The following SARM1 variants were observed in gnomAD, a reference collection of about 807,000 sequenced individuals.
SARM1 encodes the protein NAD(+) hydrolase SARM1.
A neutral mutation model predicts 65.1 loss-of-function variants in SARM1; 60 were observed. The ratio of observed to expected loss-of-function variants is 0.92; its 90% confidence interval spans 0.75 to 1.14. The LOEUF (loss-of-function observed/expected upper bound fraction) is 1.14, where lower values mean the gene tolerates loss of function less well. Ranked by LOEUF, SARM1 falls within the 50% of genes most tolerant of loss-of-function variation. The pLI is 0.00. For synonymous variants in SARM1, 417 were observed against 465.4 expected, an observed-to-expected ratio of 0.90 and a Z score of 1.34; for missense variants, 913 against 1,015.7, an observed-to-expected ratio of 0.90 and a Z score of 1.37.
At position 28,386,244 on chromosome 17, in the gene SARM1, G is replaced by A. The variant is rs373269005; in HGVS notation, c.1630+969G>A. ...CACCTGAGCCCAGGAAGTTAAGGCCGCAGTGAACTGTGATCAGGTCACTAC... is the reference window on the plus strand; with the variant it reads ...CACCTGAGCCCAGGAAGTTAAGGCCACAGTGAACTGTGATCAGGTCACTAC... On this transcript the variant is annotated intron_variant, in intron 5 of 8. Transcript: ENST00000585482. 9.2e-4 allele frequency among the ~76,000 whole-genome samples: 140 copies of A among 152,286 alleles called. 2 individuals are homozygous for A. Among genetic ancestry groups the A allele is most frequent in the African/African-American group, 3.1e-3 (129 of 41,554 alleles).
intron 7 of SARM1, 23 bp downstream of exon 7, chr17:28,388,562 G>T: frequency 6.2e-7 from 1 of 1,605,884 alleles, no homozygotes. Context: ...CTATGCTTCT[G>T]CGGTCCCAGC....
Position 28,403,966 on chromosome 17 carries a change from T to C in SARM1, c.*7680T>C, listed in dbSNP as rs2068225235. ...GGGATGAGGCTGCAGTGAGCCATGA[T>C]CGTGCCACTGCACTCTAGCCTGGGT... On this transcript the variant is annotated 3_prime_UTR_variant, in exon 9 of 9. Transcript: ENST00000585482. The C allele has an allele frequency of 6.5e-6, 1 of 153,588 alleles. No homozygotes were observed. Among genetic ancestry groups the C allele is most frequent in the African/African-American group, 2.4e-5 (1 of 41,448 alleles). The allele number at this position is 153,588 out of a possible 1,614,324, so 9.5% of individuals were successfully genotyped here. A position where few individuals can be genotyped will look rare whatever the true frequency, so the allele number is the denominator to read the frequency against.
chr17:28,376,354 T>A (rs1361143573), intron 1 of SARM1, among the ~76,000 whole-genome samples: 1 of 134,022 alleles, frequency 7.5e-6, no homozygotes, highest in East Asian at 2.4e-4. Flanking sequence ...AGGTCAGGAG[T>A]TCAAGACCGC....
Position 28,385,782 on chromosome 17 carries a change from TA to T in SARM1, c.1630+508del, listed in dbSNP as rs2068047859. Among the ~76,000 whole-genome samples, 3 of 152,306 alleles carry T rather than the reference TA, an allele frequency of 2.0e-5. No individual in the cohort carries two copies. In the South Asian group the frequency reaches 6.2e-4, roughly 32 times the overall value. On this transcript the variant is annotated intron_variant, in intron 5 of 8. Transcript: ENST00000585482. The surrounding 1 kb of genome is among the most constrained non-coding windows in gnomAD (Gnocchi z 4.5). ...ACAAAATTTGGGTCTAGAGGTGGTT[TA>T]GAGTGAATTCTAGGCCTCTAGCCAC...
Position 28,381,805 on chromosome 17 carries a change from TG to T in SARM1, c.1074del (p.Gln359LysfsTer16). The part of the protein sequence containing the change: ...YLCAEAAIKS[L>X]QGKTKVFSDI... ...TGCGCCGAGGCTGCCATCAAGAGCC[TG>T]CAAGGCAAGACCAAGGTGGGTGCAG... On this transcript the variant is annotated frameshift_variant, in exon 2 of 9. Coordinates refer to ENST00000585482, the MANE Select transcript of SARM1 (RefSeq NM_015077.4). LOFTEE classifies it high-confidence loss of function. The T allele has an allele frequency of 6.9e-7, 1 of 1,450,154 alleles. No homozygotes were observed. The highest frequency in any genetic ancestry group is 9.1e-7 in the Non-Finnish European group (1 of 1,100,148). The allele number at this position is 1,450,154 out of a possible 1,614,324, so 89.8% of individuals were successfully genotyped here. A position where few individuals can be genotyped will look rare whatever the true frequency, so the allele number is the denominator to read the frequency against.
rs1050361185 is a variant in SARM1, at chr17:28,372,653, A to G, written c.470+151A>G. 2.4e-4 allele frequency: 52 copies of G among 215,718 alleles called. No homozygotes were observed. Among genetic ancestry groups the G allele is most frequent in the African/African-American group, 1.2e-3 (49 of 42,566 alleles). 13.4% of individuals were successfully genotyped at this position (215,718 alleles called of 1,614,324 possible). On this transcript the variant is annotated intron_variant, in intron 1 of 8. Coordinates refer to ENST00000585482, the MANE Select transcript of SARM1 (RefSeq NM_015077.4). This position sits in a 1 kb window ranked among gnomAD's most constrained non-coding sequence, Gnocchi z 5.2. The stretch of plus-strand genomic sequence containing the variant: ...TGTTAGGGGTCAGCCTGTCTGTTTC[A>G]CAGATAAGGAAACTGAGCCTTGGGA...
rs886052748 is a variant in SARM1, at chr17:28,398,436, T to C, written c.*2150T>C. On this transcript the variant is annotated 3_prime_UTR_variant, in exon 9 of 9. Transcript: ENST00000585482. ...TGTGTTCAGAGGTGACTGCCACCCA[T>C]ACTAGGACAAACACAGCTCAGATCA... 1 of 152,254 alleles carries C rather than the reference T, an allele frequency of 6.6e-6. No homozygotes were observed. Among genetic ancestry groups the C allele is most frequent in the Non-Finnish European group, 1.5e-5 (1 of 68,120 alleles). The allele number at this position is 152,254 out of a possible 1,614,324, so 9.4% of individuals were successfully genotyped here.
At chr17:28,396,133 C>G (rs1555587881) in intron 8 of SARM1, 24 bp from the exon 9 acceptor site, 1 of 1,613,936 alleles carries the variant, frequency 6.2e-7, no homozygotes, top group Non-Finnish European at 8.5e-7. Context: ...GCTGTCTGAA[C>G]CACATTGGCT....
intron 1 of SARM1, among the ~76,000 whole-genome samples, chr17:28,376,479 A>T (rs188816931): frequency 6.6e-6 from 1 of 151,452 alleles, no homozygotes; most frequent in African/African-American, 2.4e-5. Flanking sequence ...AGGCTGAGAC[A>T]TGAGAATCAG....
At chr17:28,388,106 G>A (rs2068061402) in intron 5 of SARM1, 68 bp from the exon 6 acceptor site, 3 of 1,207,434 alleles carry the variant, frequency 2.5e-6, no homozygotes, top group Non-Finnish European at 3.6e-6. Context: ...GTCCACAAGG[G>A]ATGATATACC....
chr17:28,377,055 G>T (rs1466108373), intron 1 of SARM1, among the ~76,000 whole-genome samples: 2 of 152,212 alleles, frequency 1.3e-5, no homozygotes, highest in Non-Finnish European at 2.9e-5. Flanking sequence ...CTCCCAAAGT[G>T]TTGGGATTAC....
chr17:28,387,514 G>GA lies in SARM1; in HGVS notation c.1631-660_1631-659insA, dbSNP rs1555586197. On this transcript the variant is annotated intron_variant, in intron 5 of 8. Transcript: ENST00000585482. ...GCTGGGATTACAGGTGTGGGCCACT[G>GA]CCCTGGCCTAGACTGGGCAATTCTA... Among the ~76,000 whole-genome samples the GA allele has an allele frequency of 1.8e-3, 279 of 152,328 alleles. 2 individuals are homozygous for GA. The highest frequency in any genetic ancestry group is 0.01 in the Middle Eastern group (3 of 294).
chr17:28,384,922 C>T lies in SARM1; in HGVS notation c.1386C>T (p.Thr462=), dbSNP rs1233915366. ...QTDLGMKSGI[T]RKRFFRELTE... is the part of the protein sequence containing the mutation. ...ACCTGGGCATGAAATCGGGCATCACCCGCAAGAGGTACGGAGCCTCCTGCC... is the reference window on the plus strand; with the variant it reads ...ACCTGGGCATGAAATCGGGCATCACTCGCAAGAGGTACGGAGCCTCCTGCC... Residue 462 remains threonine, a synonymous_variant, in exon 4 of 9, where the codon ACC becomes ACT. Transcript: ENST00000585482. The surrounding 1 kb of genome is among the most constrained non-coding windows in gnomAD (Gnocchi z 4.4). 3 of 1,567,556 alleles carry T rather than the reference C, an allele frequency of 1.9e-6. No homozygotes were observed. Among genetic ancestry groups the T allele is most frequent in the African/African-American group, 1.4e-5 (1 of 73,696 alleles).
rs895263586 is a variant in SARM1, at chr17:28,400,177, G to C, written c.*3891G>C. On this transcript the variant is annotated 3_prime_UTR_variant, in exon 9 of 9. Transcript: ENST00000585482. ...CCCACAGGATCGGGATTACAGGCAA[G>C]AGCCTCCACGCCCGGCCATGAAATA... The C allele has an allele frequency of 4.9e-5, 12 of 243,556 alleles. No homozygotes were observed. The Admixed American group carries it at 6.1e-4, about 12-fold the overall frequency. 15.1% of individuals were successfully genotyped at this position (243,556 alleles called of 1,614,324 possible).
Position 28,372,152 on chromosome 17 carries a change from C to T in SARM1, c.120C>T (p.Gly40=). The change falls in exon 1 of 9, where the codon GGC becomes GGT. Residue 40 remains glycine, a synonymous_variant. Coordinates refer to ENST00000585482, the MANE Select transcript of SARM1 (RefSeq NM_015077.4). The surrounding 1 kb of genome is among the most constrained non-coding windows in gnomAD (Gnocchi z 5.2). ...GGCCAGATGGGGGCGGTGGCACGGG[C>T]CCATGGTGGGCTGCGGGTGGCCGCG... ...VPGPDGGGGT[G]PWWAAGGRGP... 1 of 1,395,268 alleles carries T rather than the reference C, an allele frequency of 7.2e-7. No individual in the cohort carries two copies. Among genetic ancestry groups the T allele is most frequent in the Non-Finnish European group, 9.2e-7 (1 of 1,084,994 alleles). 86.4% of individuals were successfully genotyped at this position (1,395,268 alleles called of 1,614,324 possible). A position where few individuals can be genotyped will look rare whatever the true frequency, so the allele number is the denominator to read the frequency against.
At position 28,400,271 on chromosome 17, in the gene SARM1, G is replaced by T; in HGVS notation, c.*3985G>T. 1 of 303,086 alleles carries T rather than the reference G, an allele frequency of 3.3e-6. No individual in the cohort carries two copies. Among genetic ancestry groups the T allele is most frequent in the Non-Finnish European group, 6.3e-6 (1 of 159,492 alleles). 18.8% of individuals were successfully genotyped at this position (303,086 alleles called of 1,614,324 possible). A position where few individuals can be genotyped will look rare whatever the true frequency, so the allele number is the denominator to read the frequency against. On this transcript the variant is annotated 3_prime_UTR_variant, in exon 9 of 9. Coordinates refer to ENST00000585482, the MANE Select transcript of SARM1 (RefSeq NM_015077.4). ...GCCTGTGGCCCAGCCACAACTAGCT[G>T]ACAAAGCTTCCTGGCCTTCCCTTTA... is the stretch of plus-strand genomic sequence containing the variant.
chr17:28,395,686 C>A, intron 7 of SARM1: 2 of 539,090 alleles, frequency 3.7e-6, no homozygotes, highest in Non-Finnish European at 6.6e-6. Context: ...CAAGAGATTC[C>A]AAGGGTTTTA....
chr17:28,381,011 G>A (rs1156280529), intron 1 of SARM1, among the ~76,000 whole-genome samples, 192 bp from the exon 2 acceptor site: 1 of 152,110 alleles, frequency 6.6e-6, no homozygotes, highest in Non-Finnish European at 1.5e-5. Context: ...GGCCAGAATA[G>A]AGCACCCTTA....
chr17:28,385,246 A>C lies in SARM1; in HGVS notation c.1601A>C (p.His534Pro). ...GACTGCGGCATCCACCTGGGCGTGC[A>C]CCGCGCCCGCATCCTCACGGCGGCC... ...LEDCGIHLGVHRARILTAARE... is the reference protein window; with the variant it reads ...LEDCGIHLGVPRARILTAARE... The change falls in exon 5 of 9, where the codon CAC becomes CCC. Residue 534 changes from histidine (H) to proline (P), a missense_variant. This residue lies in a region of SARM1 where 862 missense variants were observed against 952.1 expected (regional missense o/e 0.91). Coordinates refer to ENST00000585482, the MANE Select transcript of SARM1 (RefSeq NM_015077.4). This position sits in a 1 kb window ranked among gnomAD's most constrained non-coding sequence, Gnocchi z 4.5. 1 of 1,575,016 alleles carries C rather than the reference A, an allele frequency of 6.3e-7. No homozygotes were observed. The highest frequency in any genetic ancestry group is 1.1e-5 in the South Asian group (1 of 87,662).
Sources: gnomAD v4.1 joint callset for allele counts (sites outside exome capture counted in the v4.1 genomes callset) on GRCh38, gnomAD v4.1.1 for gene constraint, gnomAD v4.1.1 regional missense constraint, Gnocchi (gnomAD v3.1) non-coding constraint, MANE v1.5 for transcripts, NCBI Gene and HGNC (gene_info 2026-07-23, HGNC 2026-07-21) for gene names.